Variants in KAZN observed in about 807,000 individuals in gnomAD.
The protein encoded by KAZN is kazrin, periplakin interacting protein.
Under a neutral mutation model 87.4 loss-of-function variants are expected in KAZN, and 40 were observed. The observed-to-expected ratio is 0.46, with a 90% confidence interval of 0.36 to 0.60. The LOEUF is 0.60. Among genes scored for constraint, KAZN ranks in the 20% least tolerant of loss-of-function variants. KAZN has a pLI of 0.00. For synonymous variants in KAZN, 466 were observed against 458.3 expected, an observed-to-expected ratio of 1.02 and a Z score of -0.22; for missense variants, 898 against 1,073.9, an observed-to-expected ratio of 0.84 and a Z score of 2.29.
At chr1:14,680,191 A>G (rs1321137997) in intron 1 of KAZN, among the ~76,000 whole-genome samples, 6 of 152,180 alleles carry the variant, frequency 3.9e-5, no homozygotes, top group African/African-American at 1.4e-4. Context: ...CACAGATCTT[A>G]AATGTACGGT....
chr1:14,140,973 C>T (rs1387196457), intron 1 of KAZN, among the ~76,000 whole-genome samples: 2 of 152,132 alleles, frequency 1.3e-5, no homozygotes, highest in Non-Finnish European at 2.9e-5. Flanking sequence ...GTGAACAACG[C>T]TCCGCTCAGA....
intron 2 of KAZN, among the ~76,000 whole-genome samples, chr1:14,508,874 C>T (rs193150604): frequency 2.0e-3 from 305 of 152,300 alleles, no homozygotes; most frequent in African/African-American, 6.9e-3. Flanking sequence ...CAGACAGGAA[C>T]AGGTCCCATC....
chr1:14,985,683 C>G (rs1335973980), intron 2 of KAZN, among the ~76,000 whole-genome samples: 6 of 152,178 alleles, frequency 3.9e-5, no homozygotes, highest in Non-Finnish European at 2.9e-5. Flanking sequence ...CTGACCTGGA[C>G]TCTTCCAAAA....
chr1:14,280,643 TG>T (rs1280875213), intron 2 of KAZN, among the ~76,000 whole-genome samples: 1 of 152,156 alleles, frequency 6.6e-6, no homozygotes, highest in Non-Finnish European at 1.5e-5. Context: ...ACCTTGATCT[TG>T]GACTTCTAGC....
intron 2 of KAZN, among the ~76,000 whole-genome samples, chr1:14,323,897 A>G (rs1341211555): frequency 6.6e-6 from 1 of 152,106 alleles, no homozygotes; most frequent in Non-Finnish European, 1.5e-5. Flanking sequence ...ACTCTTACTT[A>G]GTGTTTGGAG....
chr1:14,352,315 TG>T (rs1658615688), intron 2 of KAZN, among the ~76,000 whole-genome samples: 1 of 152,160 alleles, frequency 6.6e-6, no homozygotes, highest in Non-Finnish European at 1.5e-5. Context: ...ATTAAAGTCC[TG>T]AACTTCTCTT....
intron 2 of KAZN, among the ~76,000 whole-genome samples, chr1:14,416,053 T>C (rs896895685): frequency 2.6e-5 from 4 of 152,110 alleles, no homozygotes; most frequent in Non-Finnish European, 5.9e-5. Context: ...GCTGAAGAGT[T>C]TGCAGAAAAA....
At chr1:14,759,517 T>C (rs6673847) in intron 1 of KAZN, among the ~76,000 whole-genome samples, 85,029 of 151,982 alleles carry the variant, frequency 0.56, 24,856 homozygotes, top group African/African-American at 0.68. Flanking sequence ...ACATTGAACA[T>C]TCCCAATTTT....
intron 1 of KAZN, among the ~76,000 whole-genome samples, chr1:14,898,973 A>C (rs528849021): frequency 6.6e-6 from 1 of 152,272 alleles, no homozygotes; most frequent in East Asian, 1.9e-4. Context: ...ATGACAATGT[A>C]TTTGGATTTG....
intron 1 of KAZN, among the ~76,000 whole-genome samples, chr1:14,767,363 C>T (rs1557468784): frequency 6.6e-6 from 1 of 152,218 alleles, no homozygotes; most frequent in Admixed American, 6.5e-5. Context: ...TGCAGAACAA[C>T]AGGTCATGAC....
Position 15,094,931 on chromosome 1 carries a change from C to T in KAZN, c.1545C>T (p.Arg515=). 6.5e-7 allele frequency: 1 copy of T among 1,547,226 alleles called. No homozygotes were observed. Among genetic ancestry groups the T allele is most frequent in the African/African-American group, 1.4e-5 (1 of 72,842 alleles). Residue 515 remains arginine, a splice_region_variant and synonymous_variant, in exon 10 of 15, where the codon CGC becomes CGT. Coordinates refer to ENST00000376030, the MANE Select transcript of KAZN (RefSeq NM_201628.3). This position sits in a 1 kb window ranked among gnomAD's most constrained non-coding sequence, Gnocchi z 4.5. ...IEDYRDAEAG[R]SLSKAAELDH... ...ACTACCGTGATGCCGAGGCAGGCCG[C>T]AGGTGAGCCCACCACGAGGGGCCCC... is the stretch of plus-strand genomic sequence containing the variant.
chr1:14,674,391 G>A (rs1192321264), intron 1 of KAZN, among the ~76,000 whole-genome samples: 1 of 152,216 alleles, frequency 6.6e-6, no homozygotes, highest in Non-Finnish European at 1.5e-5. Flanking sequence ...TAGTGGACTC[G>A]TTGCTGAAAG....
At chr1:14,886,099 T>C (rs978845047) in intron 1 of KAZN, among the ~76,000 whole-genome samples, 4 of 151,868 alleles carry the variant, frequency 2.6e-5, no homozygotes, top group African/African-American at 9.7e-5. Context: ...GGTACAAAAT[T>C]GCTCCCAGTT....
At chr1:15,061,515 T>C (rs2100534087) in intron 6 of KAZN, 1 of 152,272 alleles carries the variant, frequency 6.6e-6, no homozygotes, top group East Asian at 1.9e-4. Context: ...TATTGTTTTA[T>C]TTTATTTATT....
At chr1:14,529,069 C>A (rs951952085) in intron 2 of KAZN, among the ~76,000 whole-genome samples, 2 of 152,000 alleles carry the variant, frequency 1.3e-5, no homozygotes, top group African/African-American at 2.4e-5. Flanking sequence ...TTTGGGAGGC[C>A]GAGGCGGGCA....
intron 1 of KAZN, among the ~76,000 whole-genome samples, chr1:14,173,519 G>T (rs1413401578): frequency 6.6e-6 from 1 of 152,120 alleles, no homozygotes. Context: ...AATTGAAAAA[G>T]AGGCCACACA....
At chr1:13,908,424 C>G (rs533997379) in intron 1 of KAZN, among the ~76,000 whole-genome samples, 1 of 152,336 alleles carries the variant, frequency 6.6e-6, no homozygotes, top group South Asian at 2.1e-4. Flanking sequence ...GCCTTGACGG[C>G]TCTTTGGTCA....
intron 1 of KAZN, among the ~76,000 whole-genome samples, chr1:14,173,291 A>G (rs944072749): frequency 2.0e-5 from 3 of 152,342 alleles, no homozygotes; most frequent in Admixed American, 2.0e-4. Flanking sequence ...CCTAACTCAG[A>G]TGGGCTAAAG....
chr1:14,982,400 T>A lies in KAZN; in HGVS notation c.418+21525T>A, dbSNP rs1477348056. Among the ~76,000 whole-genome samples, 8 of 150,414 alleles carry A rather than the reference T, an allele frequency of 5.3e-5. 1 individual carries two copies. The highest frequency in any genetic ancestry group is 3.3e-4 in the Admixed American group (5 of 15,084). On this transcript the variant is annotated intron_variant, in intron 2 of 14. Coordinates refer to ENST00000376030, the MANE Select transcript of KAZN (RefSeq NM_201628.3). Reference sequence around the variant, plus strand: ...CATGTTCCCTCTGAACTGGGGCCGCTGTTCTCAGCACCTGAGATTTTTTTT... The same window carrying A: ...CATGTTCCCTCTGAACTGGGGCCGCAGTTCTCAGCACCTGAGATTTTTTTT...
Sources: gnomAD v4.1 joint callset for allele counts (sites outside exome capture counted in the v4.1 genomes callset) on GRCh38, gnomAD v4.1.1 for gene constraint, Gnocchi (gnomAD v3.1) non-coding constraint, MANE v1.5 for transcripts, NCBI Gene and HGNC (gene_info 2026-07-23, HGNC 2026-07-21) for gene names.